Variants in MAP2K4 observed in about 807,000 individuals in gnomAD.
MAP2K4 encodes mitogen-activated protein kinase kinase 4, also known as dual specificity mitogen-activated protein kinase kinase 4.
Under a neutral mutation model 48.5 loss-of-function variants are expected in MAP2K4, and 4 were observed. That is an observed-to-expected ratio of 0.08 (90% CI 0.04 to 0.19). The LOEUF is 0.19. MAP2K4 is among the 10% of genes least tolerant of loss of function. The probability of loss-of-function intolerance (pLI) is 1.00; values close to 1 mark genes in which losing one functional copy is unlikely to be tolerated. For synonymous variants in MAP2K4, 166 were observed against 173.1 expected (o/e 0.96, Z 0.32); for missense variants, 258 against 493.3 (o/e 0.52, Z 4.52).
intron 1 of MAP2K4, among the ~76,000 whole-genome samples, chr17:12,048,009 A>G (rs1381267663): frequency 6.6e-6 from 1 of 151,596 alleles, no homozygotes; most frequent in Non-Finnish European, 1.5e-5. Flanking sequence ...TCCTATTCCT[A>G]CCCTTTAACC....
intron 2 of MAP2K4, chr17:12,069,886 T>G (rs560026131): frequency 3.7e-6 from 1 of 269,248 alleles, no homozygotes; most frequent in Non-Finnish European, 6.8e-6. Context: ...TAAGGAAGAT[T>G]AGTCATATAT....
chr17:12,044,082 C>G (rs1224917558), intron 1 of MAP2K4, among the ~76,000 whole-genome samples: 1 of 152,184 alleles, frequency 6.6e-6, no homozygotes, highest in Non-Finnish European at 1.5e-5. Flanking sequence ...ACAAAAGACA[C>G]TCCTGTCACT....
At chr17:12,062,311 C>A (rs982679940) in intron 2 of MAP2K4, among the ~76,000 whole-genome samples, 3 of 152,020 alleles carry the variant, frequency 2.0e-5, no homozygotes, top group Non-Finnish European at 2.9e-5. Flanking sequence ...ATTTCTCAAG[C>A]TTTTTGGGTG....
intron 1 of MAP2K4, chr17:12,032,155 G>C (rs1969460290): frequency 1.3e-5 from 6 of 478,962 alleles, no homozygotes; most frequent in Middle Eastern, 1.0e-3. Flanking sequence ...GATTTGACCT[G>C]TTCTTGAATT....
rs1973235602 is a variant in MAP2K4, at chr17:12,137,141, C to T, written c.1041-2698C>T. The stretch of plus-strand genomic sequence containing the variant: ...CTGTAAAACTGCTCTATGTGTGTAT[C>T]CCTGGCTCCCAGTTCAGTTCATAGT... On this transcript the variant is annotated intron_variant, in intron 9 of 10. Coordinates refer to ENST00000353533, the MANE Select transcript of MAP2K4 (RefSeq NM_003010.4). Among the ~76,000 whole-genome samples, 3 of 152,168 alleles carry T rather than the reference C, an allele frequency of 2.0e-5. No homozygotes were observed. In the South Asian group the frequency reaches 6.2e-4, roughly 32 times the overall value.
chr17:12,057,809 A>G (rs1240816100), intron 2 of MAP2K4, among the ~76,000 whole-genome samples: 1 of 152,146 alleles, frequency 6.6e-6, no homozygotes, highest in Non-Finnish European at 1.5e-5. Context: ...AATTTCCAAG[A>G]GTTGATTGTG....
chr17:12,042,281 C>G (rs767268296), intron 1 of MAP2K4, among the ~76,000 whole-genome samples: 12 of 148,102 alleles, frequency 8.1e-5, no homozygotes, highest in Non-Finnish European at 1.8e-4. Flanking sequence ...CTTAATTATT[C>G]TTTTGCCTTT....
At chr17:12,097,293 A>T (rs1971787422) in intron 4 of MAP2K4, among the ~76,000 whole-genome samples, 1 of 152,210 alleles carries the variant, frequency 6.6e-6, no homozygotes, top group Admixed American at 6.5e-5. Context: ...ATTCGTTTTC[A>T]TTATAGACTT....
intron 3 of MAP2K4, among the ~76,000 whole-genome samples, chr17:12,092,598 A>G (rs1971597527): frequency 6.6e-6 from 1 of 152,220 alleles, no homozygotes; most frequent in South Asian, 2.1e-4. Context: ...AAAATCACTA[A>G]TTTGAAGTTA....
chr17:12,087,212 C>G (rs746288241), intron 3 of MAP2K4, among the ~76,000 whole-genome samples: 16 of 152,134 alleles, frequency 1.1e-4, no homozygotes, highest in Non-Finnish European at 1.9e-4. Context: ...TGATATATTT[C>G]CTGCATATTT....
intron 10 of MAP2K4, 42 bp downstream of exon 10, chr17:12,139,926 C>T (rs772157930): frequency 1.0e-5 from 15 of 1,455,976 alleles, no homozygotes; most frequent in South Asian, 7.2e-5. Context: ...ATCCTAACCC[C>T]GGAACTCTCT....
chr17:12,052,796 C>T (rs1970182279), intron 1 of MAP2K4, among the ~76,000 whole-genome samples: 1 of 152,064 alleles, frequency 6.6e-6, no homozygotes, highest in African/African-American at 2.4e-5. Context: ...AAACGATTTG[C>T]CATATTAAGG....
chr17:12,116,567 A>G (rs780233304), intron 7 of MAP2K4, among the ~76,000 whole-genome samples: 3 of 152,044 alleles, frequency 2.0e-5, no homozygotes, highest in Non-Finnish European at 2.9e-5. Context: ...GTACAAAAAT[A>G]TTTTCTTTCT....
intron 1 of MAP2K4, among the ~76,000 whole-genome samples, chr17:12,025,053 A>G (rs1482888396): frequency 1.3e-5 from 2 of 152,262 alleles, no homozygotes; most frequent in Non-Finnish European, 2.9e-5. Flanking sequence ...ATGAAATTGC[A>G]TAGGCAGGAT....
chr17:12,036,219 T>C (rs1464098319), intron 1 of MAP2K4, among the ~76,000 whole-genome samples: 1 of 152,220 alleles, frequency 6.6e-6, no homozygotes, highest in African/African-American at 2.4e-5. Flanking sequence ...TGTTGGATCA[T>C]TGAATTTTTC....
intron 5 of MAP2K4, among the ~76,000 whole-genome samples, chr17:12,108,862 GCTAA>G (rs930428822): frequency 2.6e-5 from 4 of 151,754 alleles, no homozygotes; most frequent in Non-Finnish European, 5.9e-5. Flanking sequence ...ATAAAAAGAA[GCTAA>G]CTTAGACTAG....
intron 9 of MAP2K4, among the ~76,000 whole-genome samples, chr17:12,134,384 A>G (rs1973137593): frequency 6.6e-6 from 1 of 152,254 alleles, no homozygotes; most frequent in African/African-American, 2.4e-5. Flanking sequence ...TTTGAATTCC[A>G]GAAACGTTAT....
intron 3 of MAP2K4, among the ~76,000 whole-genome samples, chr17:12,089,271 G>C (rs990787810): frequency 1.3e-5 from 2 of 152,084 alleles, no homozygotes; most frequent in Non-Finnish European, 2.9e-5. Flanking sequence ...AGGGGAACAA[G>C]CCCCCTGCAC....
intron 1 of MAP2K4, chr17:12,032,391 C>T (rs1969467909): frequency 7.8e-6 from 4 of 515,812 alleles, no homozygotes; most frequent in Non-Finnish European, 1.2e-5. Flanking sequence ...AGCTAACCAG[C>T]CATGGCAATT....
Sources: gnomAD v4.1 joint callset for allele counts (sites outside exome capture counted in the v4.1 genomes callset) on GRCh38, gnomAD v4.1.1 for gene constraint, MANE v1.5 for transcripts, NCBI Gene and HGNC (gene_info 2026-07-23, HGNC 2026-07-21) for gene names.